Variants in EXOC2 observed in about 807,000 individuals in gnomAD.
EXOC2 encodes exocyst complex component 2, also known as SEC5-like 1.
In EXOC2, 70 loss-of-function variants were observed where a neutral mutation model predicts 131.8. The ratio of observed to expected loss-of-function variants is 0.53; its 90% CI spans 0.44 to 0.65. The LOEUF (loss-of-function observed/expected upper bound fraction) is 0.65. EXOC2 is among the 30% of genes least tolerant of loss of function. EXOC2 has a pLI of 0.00. For missense variants in EXOC2, 923 were observed against 1,108.6 expected (o/e 0.83, Z 2.38); for synonymous variants, 411 against 398.4 (o/e 1.03, Z -0.38).
intron 1 of EXOC2, among the ~76,000 whole-genome samples, chr6:648,158 G>A (rs544788437): frequency 4.6e-5 from 7 of 152,250 alleles, no homozygotes; most frequent in Admixed American, 1.3e-4. Flanking sequence ...CAGTGCCTGC[G>A]ACATAATATA....
chr6:573,360 C>CT (rs1163751513), intron 12 of EXOC2, among the ~76,000 whole-genome samples: 1 of 152,176 alleles, frequency 6.6e-6, no homozygotes, highest in Non-Finnish European at 1.5e-5. Context: ...TCCCTTCTTT[C>CT]TTTTCACTCC....
At chr6:597,812 GAGT>G (rs1759901054) in intron 10 of EXOC2, among the ~76,000 whole-genome samples, 1 of 152,176 alleles carries the variant, frequency 6.6e-6, no homozygotes, top group Admixed American at 6.5e-5. Context: ...CTCAAAAAGT[GAGT>G]AACTCCATAA....
At chr6:653,204 G>A (rs1417658958) in intron 1 of EXOC2, among the ~76,000 whole-genome samples, 1 of 152,120 alleles carries the variant, frequency 6.6e-6, no homozygotes, top group Non-Finnish European at 1.5e-5. Context: ...ATCCTACAAC[G>A]GCCTCTAAGT....
chr6:629,883 G>A lies in EXOC2; in HGVS notation c.374C>T (p.Pro125Leu). Residue 125 changes from proline to leucine, a missense_variant, in exon 4 of 28, where the codon CCG becomes CTG. By Grantham distance (98) the Pro-to-Leu change is moderately conservative (BLOSUM62 -3). Transcript: ENST00000230449. ...GTTAGCAGGACGTAAGGACAAGGGC[G>A]GAATTCCTTTGTTCCTGTCAGTGCG... ...DMRTDRNKGI[P>L]PLSLRPANPL... is the part of the protein sequence containing the mutation. 3 of 1,613,996 alleles carry A rather than the reference G, an allele frequency of 1.9e-6. No homozygotes were observed. Among genetic ancestry groups the A allele is most frequent in the Non-Finnish European group, 2.5e-6 (3 of 1,179,924 alleles).
chr6:635,266 A>G lies in EXOC2; in HGVS notation c.119-2149T>C, dbSNP rs543923308. Among the ~76,000 whole-genome samples, 61 of 152,360 alleles carry G rather than the reference A, an allele frequency of 4.0e-4. 1 individual carries two copies. Among genetic ancestry groups the G allele is most frequent in the African/African-American group, 1.4e-3 (58 of 41,586 alleles). On this transcript the variant is annotated intron_variant, in intron 2 of 27. Coordinates refer to ENST00000230449, the MANE Select transcript of EXOC2 (RefSeq NM_018303.6). ...AGGAATAAGAGCAAATTTCAGATAT[A>G]AAGTATTAAAACATGTTCACATGAG...
chr6:635,710 A>T (rs1289923016), intron 2 of EXOC2, among the ~76,000 whole-genome samples: 1 of 152,240 alleles, frequency 6.6e-6, no homozygotes, highest in Non-Finnish European at 1.5e-5. Context: ...GCTTTTTTAA[A>T]AAATGGTTTC....
intron 1 of EXOC2, among the ~76,000 whole-genome samples, chr6:691,674 T>C (rs529654067): frequency 2.0e-5 from 3 of 152,326 alleles, no homozygotes; most frequent in African/African-American, 7.2e-5. Flanking sequence ...AAAAGTTACA[T>C]GGAAATTTTT....
At chr6:585,194 T>C (rs1417047117) in intron 11 of EXOC2, among the ~76,000 whole-genome samples, 1 of 152,224 alleles carries the variant, frequency 6.6e-6, no homozygotes, top group Admixed American at 6.5e-5. Context: ...TCCATCAGTA[T>C]TTAGAAGGTT....
chr6:567,429 C>T (rs907253619), intron 13 of EXOC2, among the ~76,000 whole-genome samples: 1 of 152,106 alleles, frequency 6.6e-6, no homozygotes, highest in African/African-American at 2.4e-5. Flanking sequence ...GTCTTACAAC[C>T]CTATTTGTTT....
chr6:555,267 G>C lies in EXOC2; in HGVS notation c.2014C>G (p.Gln672Glu). The C allele has an allele frequency of 6.5e-7, 1 of 1,528,476 alleles. No homozygotes were observed. The highest frequency in any genetic ancestry group is 8.9e-7 in the Non-Finnish European group (1 of 1,124,868). The allele number at this position is 1,528,476 out of a possible 1,614,324, so 94.7% of individuals were successfully genotyped here. The change falls in exon 20 of 28, where the codon CAG (glutamine) becomes GAG (glutamate). Residue 672 changes from glutamine to glutamate, a missense_variant. Coordinates refer to ENST00000230449, the MANE Select transcript of EXOC2 (RefSeq NM_018303.6). ...TCTGCATCAGGCTTGGTGCTCAACT[G>C]TTCCAGACAGTATATAAAAACCTAA... is the stretch of plus-strand genomic sequence containing the variant. Reference protein sequence around the residue: ...IMQVFIYCLEQLSTKPDADID... With the variant: ...IMQVFIYCLEELSTKPDADID...
At chr6:681,870 G>A (rs1764418894) in intron 1 of EXOC2, among the ~76,000 whole-genome samples, 2 of 152,226 alleles carry the variant, frequency 1.3e-5, no homozygotes, top group African/African-American at 4.8e-5. Flanking sequence ...TGCTCTGGAG[G>A]ATAATTCCCC....
chr6:692,461 G>C (rs1262843178), intron 1 of EXOC2, among the ~76,000 whole-genome samples: 4 of 152,188 alleles, frequency 2.6e-5, no homozygotes, highest in African/African-American at 9.7e-5. Context: ...CAAGCACTCT[G>C]AGCCGCCGCT....
chr6:488,030 A>G (rs1469564248), intron 27 of EXOC2, among the ~76,000 whole-genome samples: 1 of 152,260 alleles, frequency 6.6e-6, no homozygotes, highest in Admixed American at 6.5e-5. Flanking sequence ...GATGGAAGTT[A>G]GAGAAGCAGC....
At chr6:606,413 T>C (rs1312055829) in intron 7 of EXOC2, among the ~76,000 whole-genome samples, 1 of 151,542 alleles carries the variant, frequency 6.6e-6, no homozygotes, top group African/African-American at 2.4e-5. Flanking sequence ...ACTTAAAGTA[T>C]AATAATAAAA....
chr6:608,082 G>T (rs2127658959), intron 7 of EXOC2, among the ~76,000 whole-genome samples: 1 of 152,318 alleles, frequency 6.6e-6, no homozygotes, highest in East Asian at 1.9e-4. Context: ...TGAAGTAAAT[G>T]ACACTCATAC....
intron 1 of EXOC2, among the ~76,000 whole-genome samples, chr6:691,268 C>G (rs1374752073): frequency 6.6e-6 from 1 of 152,214 alleles, no homozygotes; most frequent in East Asian, 1.9e-4. Context: ...AAAAGTAATA[C>G]AGTTGACCCT....
At chr6:564,218 T>TC (rs1458965898) in intron 15 of EXOC2, 64 bp from the exon 16 acceptor site, 76 of 1,580,304 alleles carry the variant, frequency 4.8e-5, no homozygotes, top group Non-Finnish European at 6.1e-5. Flanking sequence ...CCCTAGCATC[T>TC]CTTTCACTGT....
intron 2 of EXOC2, among the ~76,000 whole-genome samples, chr6:637,327 G>A (rs1762148715): frequency 6.6e-6 from 1 of 152,106 alleles, no homozygotes; most frequent in African/African-American, 2.4e-5. Context: ...GAACAGAAAA[G>A]GTGTAATTCA....
rs746729900 is a variant in EXOC2, at chr6:598,088, T to C, written c.1006A>G (p.Arg336Gly). ...AGCAATTTATCCAGAAGTAATTCTCTTAAAGCTTCAATCCTTGTTTCTACT... is the reference window on the plus strand; with the variant it reads ...AGCAATTTATCCAGAAGTAATTCTCCTAAAGCTTCAATCCTTGTTTCTACT... ...AEVETRIEAL[R>G]ELLLDKLLET... Residue 336 changes from arginine (R) to glycine (G), a missense_variant, in exon 10 of 28, where the codon AGA (arginine) becomes GGA (glycine). Coordinates refer to ENST00000230449, the MANE Select transcript of EXOC2 (RefSeq NM_018303.6). The C allele has an allele frequency of 1.1e-5, 18 of 1,613,560 alleles. No homozygotes were observed. Among genetic ancestry groups the C allele is most frequent in the Middle Eastern group, 1.6e-4 (1 of 6,084 alleles).
Sources: allele counts gnomAD v4.1 joint callset (sites outside exome capture counted in the v4.1 genomes callset), GRCh38; gene constraint gnomAD v4.1.1; transcripts MANE v1.5; gene names NCBI Gene and HGNC (gene_info 2026-07-23, HGNC 2026-07-21).